The following SCP2 variants were observed in gnomAD, a reference collection of about 807,000 sequenced individuals.
The protein encoded by SCP2 is SCP-2/3-oxoacyl-CoA thiolase.
In SCP2, 48 loss-of-function variants were observed where a neutral mutation model predicts 71.4. That is an observed-to-expected ratio of 0.67 (90% confidence interval 0.53 to 0.86). SCP2 has a LOEUF of 0.86. Among genes scored for constraint, SCP2 ranks in the 40% least tolerant of loss-of-function variants. The pLI, the probability that SCP2 is intolerant of heterozygous loss-of-function variation, is 0.00. For synonymous variants in SCP2, 220 were observed against 218.1 expected (o/e 1.01, Z -0.08); for missense variants, 560 against 655.6 (o/e 0.85, Z 1.59).
chr1:52,947,494 A>G (rs1462758169), intron 2 of SCP2, among the ~76,000 whole-genome samples: 1 of 151,952 alleles, frequency 6.6e-6, no homozygotes, highest in African/African-American at 2.4e-5. Context: ...TTTCTCATTT[A>G]CTTACATAAT....
At chr1:52,990,040 A>G (rs1215416036) in intron 11 of SCP2, among the ~76,000 whole-genome samples, 1 of 152,184 alleles carries the variant, frequency 6.6e-6, no homozygotes, top group Non-Finnish European at 1.5e-5. Flanking sequence ...AGACCAGGAG[A>G]CTTTTTAGTT....
chr1:52,945,216 T>TA (rs1654665617), intron 2 of SCP2, among the ~76,000 whole-genome samples: 1 of 152,238 alleles, frequency 6.6e-6, no homozygotes, highest in East Asian at 1.9e-4. Flanking sequence ...AAGGACAACA[T>TA]CTCACTATGC....
intron 14 of SCP2, among the ~76,000 whole-genome samples, chr1:53,041,006 G>T (rs1663384532): frequency 6.6e-6 from 1 of 152,160 alleles, no homozygotes; most frequent in Non-Finnish European, 1.5e-5. Flanking sequence ...TAAGCATTCA[G>T]TAAGTGGTAG....
chr1:52,948,947 A>T (rs1655051377), intron 3 of SCP2, among the ~76,000 whole-genome samples: 2 of 146,414 alleles, frequency 1.4e-5, no homozygotes, highest in African/African-American at 2.5e-5. Context: ...CCCCAACAAC[A>T]TTTTTTTTTT....
intron 13 of SCP2, among the ~76,000 whole-genome samples, chr1:53,038,125 G>A (rs1663149563): frequency 6.6e-6 from 1 of 151,276 alleles, no homozygotes; most frequent in South Asian, 2.1e-4. Flanking sequence ...CAGCCTGGGT[G>A]ACAGAGTGAG....
At position 52,978,266 on chromosome 1, in the gene SCP2, G is replaced by A. The variant is rs201599199; in HGVS notation, c.724G>A (p.Val242Ile). 1 of 1,614,064 alleles carries A rather than the reference G, an allele frequency of 6.2e-7. No individual in the cohort carries two copies. Among genetic ancestry groups the A allele is most frequent in the Non-Finnish European group, 8.5e-7 (1 of 1,179,952 alleles). The change falls in exon 9 of 16, where the codon GTA becomes ATA. Residue 242 changes from valine (V) to isoleucine (I), a missense_variant. Transcript: ENST00000371514. The part of the protein sequence containing the change: ...AAAILASEAF[V>I]QKYGLQSKAV... ...AGCAATTTTGGCCAGTGAAGCATTT[G>A]TACAGAAGTATGGCCTGCAATCCAA... is the stretch of plus-strand genomic sequence containing the variant.
chr1:53,023,260 G>T (rs1661879195), intron 12 of SCP2, among the ~76,000 whole-genome samples: 1 of 152,126 alleles, frequency 6.6e-6, no homozygotes, highest in Non-Finnish European at 1.5e-5. Flanking sequence ...GTGACCTTTG[G>T]GAACATGCAA....
chr1:53,013,875 G>T, intron 11 of SCP2, among the ~76,000 whole-genome samples: 1 of 132,476 alleles, frequency 7.5e-6, no homozygotes, highest in African/African-American at 2.7e-5. Context: ...TGCCCTGATA[G>T]AACATTCTTT....
At chr1:52,962,027 G>A (rs1182607086) in intron 6 of SCP2, among the ~76,000 whole-genome samples, 2 of 152,044 alleles carry the variant, frequency 1.3e-5, no homozygotes, top group African/African-American at 4.8e-5. Context: ...CCAGCCTCTC[G>A]AATAGCTGGG....
chr1:52,986,923 G>A (rs1296178892), intron 10 of SCP2, among the ~76,000 whole-genome samples: 1 of 148,044 alleles, frequency 6.8e-6, no homozygotes, highest in Non-Finnish European at 1.5e-5. Flanking sequence ...TCATTCACAT[G>A]GATTCAATGT....
intron 11 of SCP2, among the ~76,000 whole-genome samples, chr1:52,992,749 G>T (rs1342321878): frequency 6.6e-6 from 1 of 152,044 alleles, no homozygotes; most frequent in African/African-American, 2.4e-5. Context: ...GGTTAACAAA[G>T]GCTGACATTG....
chr1:52,951,008 T>C, intron 4 of SCP2, 122 bp downstream of exon 4: 1 of 1,124,306 alleles, frequency 8.9e-7, no homozygotes, highest in Non-Finnish European at 1.3e-6. Flanking sequence ...AGGCCGGGTG[T>C]GGTGGCTTAT....
intron 13 of SCP2, among the ~76,000 whole-genome samples, chr1:53,037,947 CTA>C (rs1471044064): frequency 2.2e-4 from 24 of 109,026 alleles, no homozygotes; most frequent in East Asian, 1.5e-3. Context: ...GATCCTGTCT[CTA>C]TACACACACA....
intron 6 of SCP2, among the ~76,000 whole-genome samples, chr1:52,968,690 G>A (rs1657191877): frequency 6.6e-6 from 1 of 152,044 alleles, no homozygotes; most frequent in African/African-American, 2.4e-5. Flanking sequence ...CATCTACTTT[G>A]TTTTTCTTTG....
chr1:53,013,626 G>A (rs58140496), intron 11 of SCP2, among the ~76,000 whole-genome samples: 20,785 of 151,696 alleles, frequency 0.14, 2,032 homozygotes, highest in East Asian at 0.32. Flanking sequence ...TTTATTTTTA[G>A]TAGAGATGAG....
chr1:52,941,288 G>A (rs1359005692), intron 1 of SCP2, among the ~76,000 whole-genome samples: 1 of 152,102 alleles, frequency 6.6e-6, no homozygotes, highest in Admixed American at 6.6e-5. Flanking sequence ...AAGACATTCT[G>A]TACTTCTGAC....
chr1:53,044,080 T>C (rs1476613360), intron 14 of SCP2, among the ~76,000 whole-genome samples: 1 of 151,980 alleles, frequency 6.6e-6, no homozygotes, highest in Non-Finnish European at 1.5e-5. Flanking sequence ...TTTTTTGAGA[T>C]GGAGTCTCAC....
chr1:53,045,539 C>T (rs1663743307), intron 14 of SCP2, among the ~76,000 whole-genome samples: 1 of 152,126 alleles, frequency 6.6e-6, no homozygotes, highest in South Asian at 2.1e-4. Flanking sequence ...TTCCATCGTA[C>T]TTACTTCTAC....
intron 12 of SCP2, among the ~76,000 whole-genome samples, chr1:53,022,658 C>T (rs1661831212): frequency 6.6e-6 from 1 of 152,100 alleles, no homozygotes; most frequent in Non-Finnish European, 1.5e-5. Context: ...TCATAAAAGT[C>T]CCACACATTA....
Sources: allele counts gnomAD v4.1 joint callset (sites outside exome capture counted in the v4.1 genomes callset), GRCh38; gene constraint gnomAD v4.1.1; transcripts MANE v1.5; gene names NCBI Gene and HGNC (gene_info 2026-07-23, HGNC 2026-07-21).